CDH20: variants seen among roughly 807,000 people sequenced by gnomAD.
The protein encoded by CDH20 is cadherin-20.
Under a neutral mutation model 74.2 loss-of-function variants are expected in CDH20, and 29 were observed. The observed-to-expected ratio is 0.39, with a 90% CI of 0.29 to 0.53. The LOEUF (loss-of-function observed/expected upper bound fraction) is 0.53, where lower values mean the gene tolerates loss of function less well. CDH20 is among the 20% of genes least tolerant of loss of function. CDH20 has a pLI of 0.69. For missense variants in CDH20, 988 were observed against 1,048.3 expected (o/e 0.94, Z 0.79); for synonymous variants, 469 against 405.4 (o/e 1.16, Z -1.88).
intron 1 of CDH20, among the ~76,000 whole-genome samples, chr18:61,360,223 A>AGG (rs1364178223): frequency 6.6e-6 from 1 of 152,204 alleles, no homozygotes; most frequent in Non-Finnish European, 1.5e-5. Context: ...GATGATCTGT[A>AGG]GGTTACCCTT....
intron 1 of CDH20, among the ~76,000 whole-genome samples, chr18:61,379,659 A>G (rs1290883911): frequency 2.6e-5 from 4 of 152,190 alleles, no homozygotes; most frequent in African/African-American, 9.6e-5. Flanking sequence ...CTAAGAAAAC[A>G]TCAGAAAGGG....
chr18:61,385,569 CA>C (rs923985352), intron 1 of CDH20, among the ~76,000 whole-genome samples: 3 of 145,650 alleles, frequency 2.1e-5, no homozygotes, highest in South Asian at 2.2e-4. Flanking sequence ...AATGAAAAGG[CA>C]AAAAAAAATT....
At chr18:61,363,789 C>A (rs1910773576) in intron 1 of CDH20, among the ~76,000 whole-genome samples, 1 of 152,106 alleles carries the variant, frequency 6.6e-6, no homozygotes, top group African/African-American at 2.4e-5. Flanking sequence ...GTAGTAACAG[C>A]CTTTTATTAC....
At chr18:61,402,948 T>C (rs1212241437) in intron 1 of CDH20, among the ~76,000 whole-genome samples, 1 of 152,242 alleles carries the variant, frequency 6.6e-6, no homozygotes, top group Admixed American at 6.5e-5. Flanking sequence ...ATTAAAGTCC[T>C]AACCCTTGTG....
chr18:61,470,571 C>T (rs908698245), intron 1 of CDH20, among the ~76,000 whole-genome samples: 5 of 150,414 alleles, frequency 3.3e-5, no homozygotes, highest in East Asian at 2.0e-4. Context: ...TGCTCATTCA[C>T]GCCTTAACGG....
chr18:61,479,077 A>G (rs1910496417), intron 1 of CDH20, among the ~76,000 whole-genome samples: 1 of 152,114 alleles, frequency 6.6e-6, no homozygotes, highest in Admixed American at 6.5e-5. Flanking sequence ...TCTGAAGTAT[A>G]TAAAATATCT....
chr18:61,344,096 C>T (rs1029747455), intron 1 of CDH20, among the ~76,000 whole-genome samples: 2 of 152,182 alleles, frequency 1.3e-5, no homozygotes, highest in African/African-American at 2.4e-5. Context: ...GTAAACTACT[C>T]TGTGTAATTT....
At chr18:61,529,464 C>T (rs146821357) in intron 7 of CDH20, among the ~76,000 whole-genome samples, 8 of 152,222 alleles carry the variant, frequency 5.3e-5, no homozygotes, top group Non-Finnish European at 1.2e-4. Context: ...ATGGCAAAAA[C>T]GATTTTATTT....
intron 1 of CDH20, among the ~76,000 whole-genome samples, chr18:61,378,392 T>A (rs1003727141): frequency 3.3e-5 from 5 of 152,154 alleles, no homozygotes; most frequent in African/African-American, 9.7e-5. Context: ...AGAAGACTGA[T>A]GTCCCAGCTC....
At chr18:61,389,736 GA>G (rs1454083425) in intron 1 of CDH20, among the ~76,000 whole-genome samples, 2 of 152,052 alleles carry the variant, frequency 1.3e-5, no homozygotes, top group African/African-American at 4.8e-5. Flanking sequence ...TTTCCACAGT[GA>G]AATAAACACT....
chr18:61,416,436 A>G (rs1037271087), intron 1 of CDH20, among the ~76,000 whole-genome samples: 1 of 152,236 alleles, frequency 6.6e-6, no homozygotes, highest in Non-Finnish European at 1.5e-5. Context: ...ACAGAAATGT[A>G]GTCCAGAGAG....
At chr18:61,372,695 A>G (rs1352463616) in intron 1 of CDH20, among the ~76,000 whole-genome samples, 1 of 152,162 alleles carries the variant, frequency 6.6e-6, no homozygotes, top group Admixed American at 6.6e-5. Flanking sequence ...ATAAAGCTTT[A>G]TTGGAAAACA....
intron 1 of CDH20, among the ~76,000 whole-genome samples, chr18:61,442,210 G>A (rs1909054242): frequency 6.6e-6 from 1 of 151,996 alleles, no homozygotes; most frequent in South Asian, 2.1e-4. Flanking sequence ...AATTGGCCAG[G>A]CATGGTGGCA....
intron 1 of CDH20, among the ~76,000 whole-genome samples, chr18:61,454,779 A>G (rs1909516596): frequency 6.6e-6 from 1 of 152,238 alleles, no homozygotes; most frequent in South Asian, 2.1e-4. Flanking sequence ...TTGTAACTGC[A>G]TTCACAAGAC....
chr18:61,448,163 C>T (rs1011596137), intron 1 of CDH20, among the ~76,000 whole-genome samples: 7 of 152,282 alleles, frequency 4.6e-5, no homozygotes, highest in African/African-American at 1.7e-4. Flanking sequence ...TGGCCTAGTG[C>T]TCATTAAATA....
At chr18:61,404,125 T>G (rs1254231501) in intron 1 of CDH20, among the ~76,000 whole-genome samples, 1 of 152,212 alleles carries the variant, frequency 6.6e-6, no homozygotes, top group African/African-American at 2.4e-5. Flanking sequence ...TATGTGAGGC[T>G]TAATACCTAT....
At chr18:61,410,932 G>A (rs1415123427) in intron 1 of CDH20, among the ~76,000 whole-genome samples, 1 of 152,192 alleles carries the variant, frequency 6.6e-6, no homozygotes, top group Non-Finnish European at 1.5e-5. Context: ...TGAGCGCGGT[G>A]GCTCACGCCT....
chr18:61,549,767 A>C, intron 10 of CDH20: 1 of 569,170 alleles, frequency 1.8e-6, no homozygotes, highest in Non-Finnish European at 3.1e-6. Context: ...TTCTCTTCTT[A>C]GGCCTCAGGG....
At chr18:61,400,159 G>A (rs1257344836) in intron 1 of CDH20, among the ~76,000 whole-genome samples, 4 of 152,190 alleles carry the variant, frequency 2.6e-5, no homozygotes, top group Admixed American at 6.6e-5. Context: ...GGGGACAATA[G>A]GGCTGCTTCC....
Sources: allele counts gnomAD v4.1 joint callset (sites outside exome capture counted in the v4.1 genomes callset), GRCh38; gene constraint gnomAD v4.1.1; transcripts MANE v1.5; gene names NCBI Gene and HGNC (gene_info 2026-07-23, HGNC 2026-07-21).